Variants in IQSEC1 observed in about 807,000 individuals in gnomAD.
The protein encoded by IQSEC1 is IQ motif and SEC7 domain-containing protein 1.
A neutral mutation model predicts 91.0 loss-of-function variants in IQSEC1; 31 were observed. The observed-to-expected ratio is 0.34, with a 90% CI of 0.26 to 0.46. IQSEC1 has a LOEUF of 0.46. IQSEC1 is among the 20% of genes least tolerant of loss of function. The pLI, the probability that IQSEC1 is intolerant of heterozygous loss-of-function variation, is 1.00. For synonymous variants in IQSEC1, 699 were observed against 662.6 expected (o/e 1.05, Z -0.84); for missense variants, 1,388 against 1,575.6 (o/e 0.88, Z 2.02).
At chr3:13,191,536 C>T (rs1301271625) in intron 1 of IQSEC1, among the ~76,000 whole-genome samples, 1 of 119,074 alleles carries the variant, frequency 8.4e-6, no homozygotes, top group Non-Finnish European at 1.6e-5. Context: ...AGGGTTTTGC[C>T]ATGTTGCCGA....
rs1027412879 is a variant in IQSEC1 at position 12,979,329 on chromosome 3, C to T, written c.24-37464G>A. 1.3e-5 allele frequency among the ~76,000 whole-genome samples: 2 copies of T among 152,206 alleles called. No individual in the cohort carries two copies. The highest frequency in any genetic ancestry group is 2.9e-5 in the Non-Finnish European group (2 of 68,040). On this transcript the variant is annotated intron_variant, in intron 1 of 13. Transcript: ENST00000613206. The surrounding 1 kb of genome is among the most constrained non-coding windows in gnomAD (Gnocchi z 4.3). ...GAGGCCTGCTGTGTTTTGTTTACAA[C>T]ACAGATTAGCAAGCACAGAGAATCC... is the stretch of plus-strand genomic sequence containing the variant.
chr3:12,899,795 C>G lies in IQSEC1; in HGVS notation c.*1188G>C. ...GAGTGGTTCCTGATGAAAACACTCT[C>G]TGAGGGCTTCGGCCTGGTGTGGGTT... On this transcript the variant is annotated 3_prime_UTR_variant, in exon 14 of 14. Coordinates refer to ENST00000613206, the MANE Select transcript of IQSEC1 (RefSeq NM_001134382.3). 1 of 985,222 alleles carries G rather than the reference C, an allele frequency of 1.0e-6. No homozygotes were observed. Among genetic ancestry groups the G allele is most frequent in the Non-Finnish European group, 1.2e-6 (1 of 829,768 alleles). The allele number at this position is 985,222 out of a possible 1,614,324, so 61.0% of individuals were successfully genotyped here.
chr3:12,934,472 G>A (rs1291300883), intron 3 of IQSEC1, among the ~76,000 whole-genome samples: 4 of 152,170 alleles, frequency 2.6e-5, no homozygotes, highest in African/African-American at 7.2e-5. Context: ...TGGCTTTGAG[G>A]TGGCCAGGTC....
intron 2 of IQSEC1, among the ~76,000 whole-genome samples, chr3:13,150,605 A>G (rs1332811406): frequency 6.6e-6 from 1 of 152,142 alleles, no homozygotes; most frequent in Non-Finnish European, 1.5e-5. Context: ...GAGGAGGAAC[A>G]AGGGGTGCCC....
At chr3:13,192,350 A>AAAAAG (rs1694051540) in intron 1 of IQSEC1, among the ~76,000 whole-genome samples, 2 of 151,914 alleles carry the variant, frequency 1.3e-5, no homozygotes, top group Non-Finnish European at 2.9e-5. Context: ...AAAAAAAAAA[A>AAAAAG]AAAAGAAAAG....
chr3:13,234,669 A>G (rs1694894781), intron 1 of IQSEC1, among the ~76,000 whole-genome samples: 1 of 152,206 alleles, frequency 6.6e-6, no homozygotes, highest in South Asian at 2.1e-4. Context: ...GAAATTGCCC[A>G]GTGCATGCCC....
intron 1 of IQSEC1, among the ~76,000 whole-genome samples, chr3:13,258,793 C>T (rs1474977808): frequency 6.6e-6 from 1 of 152,240 alleles, no homozygotes. Context: ...AAAGCAGCCT[C>T]TCACGCTGCG....
At chr3:12,946,235 C>A (rs577941781) in intron 1 of IQSEC1, among the ~76,000 whole-genome samples, 1 of 152,368 alleles carries the variant, frequency 6.6e-6, no homozygotes, top group South Asian at 2.1e-4. Flanking sequence ...CATCTCACCA[C>A]CCACTGTAGC....
intron 1 of IQSEC1, among the ~76,000 whole-genome samples, chr3:13,165,786 C>T (rs1693484071): frequency 6.6e-6 from 1 of 152,034 alleles, no homozygotes; most frequent in Non-Finnish European, 1.5e-5. Context: ...ATCACATGAG[C>T]GGCCCAGAGG....
At chr3:12,968,684 C>T (rs769886174) in intron 1 of IQSEC1, among the ~76,000 whole-genome samples, 3 of 152,212 alleles carry the variant, frequency 2.0e-5, no homozygotes, top group Non-Finnish European at 4.4e-5. Context: ...CAGTGCCCAG[C>T]GCCCACACCT....
At chr3:13,243,987 G>A (rs535926738) in intron 1 of IQSEC1, among the ~76,000 whole-genome samples, 1 of 152,236 alleles carries the variant, frequency 6.6e-6, no homozygotes, top group South Asian at 2.1e-4. Context: ...AATAGGATAT[G>A]ATGCCCTTTC....
intron 2 of IQSEC1, among the ~76,000 whole-genome samples, chr3:13,121,185 C>T (rs1706417412): frequency 6.6e-6 from 1 of 152,228 alleles, no homozygotes; most frequent in South Asian, 2.1e-4. Context: ...GCAGCCATGC[C>T]TGCACCTCTG....
rs898785420 is a variant in IQSEC1, at chr3:12,951,300, G to A, written c.24-9435C>T. Among the ~76,000 whole-genome samples, 15 of 152,172 alleles carry A rather than the reference G, an allele frequency of 9.9e-5. 1 individual carries two copies. Among genetic ancestry groups the A allele is most frequent in the African/African-American group, 2.9e-4 (12 of 41,434 alleles). The stretch of plus-strand genomic sequence containing the variant: ...TAGCTGGGTGTGGTGGCGCAAGCAT[G>A]TAATCCCAGCTACTCGGGAGGCTAA... On this transcript the variant is annotated intron_variant, in intron 1 of 13. Coordinates refer to ENST00000613206, the MANE Select transcript of IQSEC1 (RefSeq NM_001134382.3).
At chr3:13,135,503 T>G (rs1671744092) in intron 2 of IQSEC1, among the ~76,000 whole-genome samples, 1 of 152,234 alleles carries the variant, frequency 6.6e-6, no homozygotes, top group Admixed American at 6.5e-5. Context: ...TGACATGGGC[T>G]GGGCTGCCAT....
At chr3:12,901,627 C>CTTT in intron 13 of IQSEC1, 105 bp from the exon 14 acceptor site, 1 of 977,600 alleles carries the variant, frequency 1.0e-6, no homozygotes, top group Non-Finnish European at 1.5e-6. Context: ...GACTGCTAAG[C>CTTT]TTTAGTTCAA....
rs767957031 is a variant in IQSEC1 at position 13,236,514 on chromosome 3, C to T, written c.272+46197G>A. On this transcript the variant is annotated intron_variant, in intron 1 of 15. Transcript: ENST00000648114. ...GGGTGCTCCAAACTTGTCCTGCTAA[C>T]ACATGGTGCAGTGACGAGAGGCTCA... 7.9e-5 allele frequency among the ~76,000 whole-genome samples: 12 copies of T among 152,322 alleles called. No homozygotes were observed. The East Asian group carries it at 1.3e-3, about 17-fold the overall frequency.
intron 12 of IQSEC1, among the ~76,000 whole-genome samples, chr3:12,904,047 G>C (rs969116468): frequency 2.0e-5 from 3 of 152,198 alleles, no homozygotes; most frequent in African/African-American, 7.2e-5. Flanking sequence ...AGCAACTGCT[G>C]GGCCTCCCCA....
At chr3:13,266,404 C>G (rs539389260) in intron 1 of IQSEC1, among the ~76,000 whole-genome samples, 2 of 152,254 alleles carry the variant, frequency 1.3e-5, no homozygotes, top group South Asian at 4.1e-4. Flanking sequence ...AAACGCCAGC[C>G]TCTTACAGGC....
At chr3:13,043,790 C>A (rs79122486) in intron 1 of IQSEC1, among the ~76,000 whole-genome samples, 14,576 of 152,290 alleles carry the variant, frequency 0.096, 899 homozygotes, top group South Asian at 0.15. Flanking sequence ...AGAGGCACCA[C>A]ACTCACCCCC....
Sources: gnomAD v4.1 joint callset for allele counts (sites outside exome capture counted in the v4.1 genomes callset) on GRCh38, gnomAD v4.1.1 for gene constraint, Gnocchi (gnomAD v3.1) non-coding constraint, MANE v1.5 for transcripts, NCBI Gene and HGNC (gene_info 2026-07-23, HGNC 2026-07-21) for gene names.